CCDC34: variants seen among roughly 807,000 people sequenced by gnomAD.
The protein encoded by CCDC34 is coiled-coil domain-containing protein 34.
A neutral mutation model predicts 44.1 loss-of-function variants in CCDC34; 40 were observed. The observed-to-expected ratio is 0.91, with a 90% CI of 0.70 to 1.18. CCDC34 has a LOEUF of 1.18. Ranked by LOEUF, CCDC34 falls within the 50% of genes most tolerant of loss-of-function variation. The pLI is 0.00. For synonymous variants in CCDC34, 159 were observed against 158.2 expected, an observed-to-expected ratio of 1.01 and a Z score of -0.04; for missense variants, 466 against 452.3, an observed-to-expected ratio of 1.03 and a Z score of -0.28.
intron 5 of CCDC34, among the ~76,000 whole-genome samples, 161 bp from the exon 6 acceptor site, chr11:27,339,196 ATAAG>A (rs1159072760): frequency 1.1e-4 from 17 of 152,364 alleles, no homozygotes; most frequent in Admixed American, 2.0e-4. Context: ...ATATTTTCAA[ATAAG>A]TAACACTTTC....
intron 3 of CCDC34, among the ~76,000 whole-genome samples, chr11:27,342,713 G>C (rs61887779): frequency 6.6e-6 from 1 of 152,106 alleles, no homozygotes; most frequent in East Asian, 1.9e-4. Flanking sequence ...TGGCTGCAAC[G>C]GAGACTGCAT....
chr11:27,361,833 T>C (rs1312356935), intron 1 of CCDC34, among the ~76,000 whole-genome samples: 1 of 152,200 alleles, frequency 6.6e-6, no homozygotes, highest in Non-Finnish European at 1.5e-5. Flanking sequence ...TACTGTGCCT[T>C]ACACAGCTTG....
Position 27,362,860 on chromosome 11 carries a change from C to G in CCDC34, c.335G>C (p.Gly112Ala), listed in dbSNP as rs764842198. Residue 112 changes from glycine to alanine, a missense_variant, in exon 1 of 6, where the codon GGA becomes GCA. Transcript: ENST00000328697. ...CCTGGCGCACCCCTGTAACTCCATT[C>G]CTCTCAGGCTCGCCACTTTGGCCTC... The part of the protein sequence containing the change: ...DSEAKVASLR[G>A]MELQGCASTQ... The G allele has an allele frequency of 5.1e-5, 82 of 1,614,014 alleles. No individual in the cohort carries two copies. The highest frequency in any genetic ancestry group is 6.6e-5 in the Non-Finnish European group (78 of 1,179,998).
intron 2 of CCDC34, among the ~76,000 whole-genome samples, chr11:27,351,166 T>A (rs968430783): frequency 6.6e-6 from 1 of 152,208 alleles, no homozygotes; most frequent in African/African-American, 2.4e-5. Flanking sequence ...TAGACTTCAC[T>A]AGGACTCCAC....
At position 27,357,411 on chromosome 11, in the gene CCDC34, C is replaced by T. The variant is rs761932748; in HGVS notation, c.490G>A (p.Ala164Thr). ...KEERDRLQLK[A>T]LEELNQQLEK... ...ACACTGTCTAGTTTTACCTCTAGAG[C>T]TTTCAGTTGCAGCCGGTCACGTTCT... is the stretch of plus-strand genomic sequence containing the variant. Residue 164 changes from alanine to threonine, a missense_variant, in exon 2 of 6, where the codon GCT (alanine) becomes ACT (threonine). By Grantham distance (58) the Ala-to-Thr change is moderately conservative. Coordinates refer to ENST00000328697, the MANE Select transcript of CCDC34 (RefSeq NM_030771.2). 1 of 1,613,640 alleles carries T rather than the reference C, an allele frequency of 6.2e-7. No homozygotes were observed. Among genetic ancestry groups the T allele is most frequent in the Non-Finnish European group, 8.5e-7 (1 of 1,179,738 alleles).
chr11:27,363,109 G>A lies in CCDC34; in HGVS notation c.86C>T (p.Ser29Phe), dbSNP rs1001063652. The stretch of plus-strand genomic sequence containing the variant: ...CATAGGGACTGAGCAGGAGTCCGAG[G>A]AGGGCCGAGACCTGGGTCTGCAGTC... ...SADCRPRSRP[S>F]SDSCSVPMTG... Residue 29 changes from serine (S) to phenylalanine (F), a missense_variant, in exon 1 of 6, where the codon TCC (serine) becomes TTC (phenylalanine). Coordinates refer to ENST00000328697, the MANE Select transcript of CCDC34 (RefSeq NM_030771.2). 1.6e-5 allele frequency: 26 copies of A among 1,592,046 alleles called. No individual in the cohort carries two copies. In the African/African-American group the frequency reaches 3.2e-4, roughly 20 times the overall value.
At chr11:27,349,964 C>T (rs117092143) in intron 3 of CCDC34, 258 of 1,103,212 alleles carry the variant, frequency 2.3e-4, no homozygotes, top group Non-Finnish European at 2.8e-4. Context: ...GAGAAGACAG[C>T]TGAATGAAAC....
chr11:27,348,682 A>C (rs1301532491), intron 3 of CCDC34, among the ~76,000 whole-genome samples: 1 of 152,172 alleles, frequency 6.6e-6, no homozygotes, highest in East Asian at 1.9e-4. Context: ...CACACCATGA[A>C]ATGTAAACAG....
chr11:27,349,175 A>C (rs1862472968), intron 3 of CCDC34: 1 of 974,198 alleles, frequency 1.0e-6, no homozygotes, highest in Non-Finnish European at 1.2e-6. Flanking sequence ...CATGTGTAAA[A>C]TAATTTTGTT....
intron 3 of CCDC34, chr11:27,348,996 A>G (rs1233204305): frequency 1.0e-6 from 1 of 984,618 alleles, no homozygotes; most frequent in Non-Finnish European, 1.2e-6. Flanking sequence ...TTTTCTTCAA[A>G]TAATTGGATT....
chr11:27,362,482 T>C (rs1482642366), intron 1 of CCDC34, among the ~76,000 whole-genome samples: 1 of 152,174 alleles, frequency 6.6e-6, no homozygotes, highest in South Asian at 2.1e-4. Flanking sequence ...CGTTCTGGTG[T>C]TCAGGTTTGG....
rs549024236 is a variant in CCDC34, at chr11:27,362,335, G to A, written c.359+501C>T. On this transcript the variant is annotated intron_variant, in intron 1 of 5. Transcript: ENST00000328697. ...CTCTCTAACCACGTCTCCACATGCT[G>A]AGGTTGACATTGCTAATCTCTGTGC... 3.9e-5 allele frequency among the ~76,000 whole-genome samples: 6 copies of A among 152,294 alleles called. No individual in the cohort carries two copies. In the South Asian group the frequency reaches 1.2e-3, roughly 32 times the overall value.
intron 3 of CCDC34, chr11:27,349,042 T>C (rs1442757299): frequency 2.0e-6 from 2 of 984,776 alleles, no homozygotes; most frequent in African/African-American, 1.7e-5. Flanking sequence ...GTGAATATAT[T>C]GTCTCCCAGA....
At chr11:27,344,468 T>G (rs1267761473) in intron 3 of CCDC34, among the ~76,000 whole-genome samples, 2 of 151,642 alleles carry the variant, frequency 1.3e-5, no homozygotes, top group Admixed American at 6.6e-5. Flanking sequence ...ACTTGTGTTA[T>G]ACGCATTGTT....
intron 3 of CCDC34, among the ~76,000 whole-genome samples, chr11:27,345,169 C>T (rs1590323970): frequency 1.3e-5 from 2 of 152,122 alleles, no homozygotes; most frequent in East Asian, 3.8e-4. Flanking sequence ...TTAATGCATA[C>T]TATACATTAA....
intron 3 of CCDC34, among the ~76,000 whole-genome samples, chr11:27,343,208 C>A (rs1011738097): frequency 6.6e-6 from 1 of 152,102 alleles, no homozygotes; most frequent in African/African-American, 2.4e-5. Context: ...CGAGACCAGG[C>A]TGGCCAACGT....
At chr11:27,340,893 T>A in intron 4 of CCDC34, 56 bp from the exon 5 acceptor site, 1 of 1,542,696 alleles carries the variant, frequency 6.5e-7, no homozygotes, top group Non-Finnish European at 8.8e-7. Flanking sequence ...ATACATTCCA[T>A]TCAAATTCTA....
chr11:27,352,771 T>C (rs962182331), intron 2 of CCDC34, among the ~76,000 whole-genome samples: 3 of 152,200 alleles, frequency 2.0e-5, no homozygotes, highest in African/African-American at 7.2e-5. Context: ...TTAGTTAATG[T>C]TGATTGAAGG....
intron 2 of CCDC34, among the ~76,000 whole-genome samples, chr11:27,354,605 C>T (rs1343127145): frequency 3.3e-5 from 5 of 152,264 alleles, no homozygotes; most frequent in Middle Eastern, 6.8e-3. Context: ...GTGGCTCACA[C>T]CTGTAACCCC....
Sources: gnomAD v4.1 joint callset for allele counts (sites outside exome capture counted in the v4.1 genomes callset) on GRCh38, gnomAD v4.1.1 for gene constraint, MANE v1.5 for transcripts, NCBI Gene and HGNC (gene_info 2026-07-23, HGNC 2026-07-21) for gene names.